Variants in SH3RF1 observed in about 807,000 individuals in gnomAD.
The protein encoded by SH3RF1 is E3 ubiquitin-protein ligase SH3RF1.
SH3RF1 carries 32 observed loss-of-function variants against 74.0 expected under a neutral mutation model. That is an observed-to-expected ratio of 0.43 (90% confidence interval 0.33 to 0.58). The LOEUF (loss-of-function observed/expected upper bound fraction) is 0.58, where lower values mean the gene tolerates loss of function less well. Ranked by LOEUF, SH3RF1 falls within the 20% of genes least tolerant of loss-of-function variation. The probability of loss-of-function intolerance (pLI) is 0.05; values close to 1 mark genes in which losing one functional copy is unlikely to be tolerated. For missense variants in SH3RF1, 954 were observed against 1,130.9 expected (o/e 0.84, Z 2.24); for synonymous variants, 396 against 439.6 (o/e 0.90, Z 1.24).
Position 169,116,600 on chromosome 4 carries a change from G to A in SH3RF1, c.1808C>T (p.Ala603Val). 6.4e-7 allele frequency: 1 copy of A among 1,560,402 alleles called. No homozygotes were observed. Among genetic ancestry groups the A allele is most frequent in the Non-Finnish European group, 8.7e-7 (1 of 1,150,070 alleles). ...CTGTACCTGGATGGGTGTCACTGCT[G>A]CCGTGGGGCGTTCCTGGTTGTGCGC... ...VAAHNQERPT[A>V]AVTPIQVQNA... The change falls in exon 10 of 12, where the codon GCA (alanine) becomes GTA (valine). Residue 603 changes from alanine (A) to valine (V), a missense_variant. Ala to Val is a moderately conservative substitution (Grantham distance 64, BLOSUM62 0). Coordinates refer to ENST00000284637, the MANE Select transcript of SH3RF1 (RefSeq NM_020870.4).
chr4:169,197,643 C>A (rs1361397397), intron 2 of SH3RF1, among the ~76,000 whole-genome samples: 1 of 112,760 alleles, frequency 8.9e-6, no homozygotes. Flanking sequence ...AAAAAAAGCC[C>A]ACCTTAGAAT....
intron 5 of SH3RF1, 47 bp downstream of exon 5, chr4:169,136,271 C>A: frequency 7.4e-7 from 1 of 1,347,394 alleles, no homozygotes; most frequent in Non-Finnish European, 9.6e-7. Context: ...TAAGTTGATC[C>A]TTTTGTGGGT....
chr4:169,154,076 T>C (rs1734014620), intron 4 of SH3RF1, among the ~76,000 whole-genome samples: 1 of 152,224 alleles, frequency 6.6e-6, no homozygotes, highest in Admixed American at 6.5e-5. Flanking sequence ...TGCTTACCCA[T>C]GCTCTTCAGT....
intron 2 of SH3RF1, among the ~76,000 whole-genome samples, chr4:169,215,092 T>C (rs1340795871): frequency 1.3e-5 from 2 of 152,164 alleles, no homozygotes; most frequent in African/African-American, 4.8e-5. Context: ...ATCTGTAGGA[T>C]TTGGGGTAAA....
At position 169,120,703 on chromosome 4, in the gene SH3RF1, C is replaced by T. The variant is rs1207523533; in HGVS notation, c.1517+116G>A. Reference sequence around the variant, plus strand: ...AGATGTAGACATGGATTTTTAAAACCTTGGCTATGTAACAGGCAATTATAA... The same window carrying T: ...AGATGTAGACATGGATTTTTAAAACTTTGGCTATGTAACAGGCAATTATAA... On this transcript the variant is annotated intron_variant, in intron 8 of 11. Coordinates refer to ENST00000284637, the MANE Select transcript of SH3RF1 (RefSeq NM_020870.4). The T allele has an allele frequency of 3.6e-6, 4 of 1,114,876 alleles. No individual in the cohort carries two copies. In the South Asian group the frequency reaches 5.5e-5, roughly 15 times the overall value. The allele number at this position is 1,114,876 out of a possible 1,614,324, so 69.1% of individuals were successfully genotyped here.
At chr4:169,254,665 GT>G (rs1731157146) in intron 2 of SH3RF1, among the ~76,000 whole-genome samples, 2 of 152,150 alleles carry the variant, frequency 1.3e-5, no homozygotes, top group Admixed American at 6.5e-5. Context: ...AACGTAGTGA[GT>G]TATTTTTAAA....
chr4:169,213,255 T>G (rs983017083), intron 2 of SH3RF1, among the ~76,000 whole-genome samples: 2 of 152,234 alleles, frequency 1.3e-5, no homozygotes, highest in African/African-American at 4.8e-5. Flanking sequence ...GTAGCTCACT[T>G]TAATCTGCAT....
intron 2 of SH3RF1, among the ~76,000 whole-genome samples, chr4:169,190,414 C>T (rs901025769): frequency 2.6e-5 from 4 of 151,920 alleles, no homozygotes; most frequent in African/African-American, 9.7e-5. Flanking sequence ...CACAGAAATA[C>T]AAAAGATCAT....
intron 4 of SH3RF1, among the ~76,000 whole-genome samples, chr4:169,137,474 C>A (rs988010931): frequency 1.3e-5 from 2 of 152,098 alleles, no homozygotes; most frequent in Admixed American, 1.3e-4. Context: ...ATATAACTTT[C>A]CCAGATATTA....
At position 169,095,568 on chromosome 4, in the gene SH3RF1, C is replaced by T. The variant is rs532555846; in HGVS notation, c.*951G>A. The T allele has an allele frequency of 1.3e-5, 2 of 152,624 alleles. 1 individual carries two copies. The highest frequency in any genetic ancestry group is 2.9e-5 in the Non-Finnish European group (2 of 68,034). The allele number at this position is 152,624 out of a possible 1,614,324, so 9.5% of individuals were successfully genotyped here. ...AACACGAGTGCATCACTTACCACCA[C>T]TATCTCACAAATGTTTTACTTGTGT... On this transcript the variant is annotated 3_prime_UTR_variant, in exon 12 of 12. Transcript: ENST00000284637.
intron 2 of SH3RF1, among the ~76,000 whole-genome samples, chr4:169,190,273 G>C (rs1734679000): frequency 6.6e-6 from 1 of 151,994 alleles, no homozygotes; most frequent in African/African-American, 2.4e-5. Flanking sequence ...AAAGATAAAT[G>C]AAACAAAAAG....
intron 2 of SH3RF1, among the ~76,000 whole-genome samples, chr4:169,266,632 TGGGGGAGGGGTAGCA>T (rs1251442057): frequency 2.0e-4 from 1 of 4,884 alleles, no homozygotes; most frequent in African/African-American, 8.2e-4. Context: ...GGGCAGGGGA[TGGGGGAGGGGTAGCA>T]GGGGGAGGGG....
chr4:169,163,103 A>G (rs1170922668), intron 2 of SH3RF1, among the ~76,000 whole-genome samples: 1 of 32,332 alleles, frequency 3.1e-5, no homozygotes, highest in South Asian at 1.2e-3. Context: ...AGAGGGAGAG[A>G]AAAAAAAAAA....
chr4:169,170,898 T>A (rs1734318010), intron 2 of SH3RF1, among the ~76,000 whole-genome samples: 1 of 152,194 alleles, frequency 6.6e-6, no homozygotes, highest in Non-Finnish European at 1.5e-5. Context: ...CTAATATTTA[T>A]CTAAAGTGAG....
intron 9 of SH3RF1, among the ~76,000 whole-genome samples, chr4:169,117,287 A>C (rs1243631516): frequency 6.6e-6 from 1 of 152,188 alleles, no homozygotes; most frequent in Non-Finnish European, 1.5e-5. Context: ...TACTATTGAC[A>C]TTCTTAGGAT....
intron 2 of SH3RF1, among the ~76,000 whole-genome samples, chr4:169,192,434 C>T (rs1168895400): frequency 6.6e-6 from 1 of 151,912 alleles, no homozygotes; most frequent in Non-Finnish European, 1.5e-5. Flanking sequence ...AACCATAATG[C>T]GATACCACCT....
chr4:169,258,111 C>T (rs1731220786), intron 2 of SH3RF1, among the ~76,000 whole-genome samples: 1 of 152,144 alleles, frequency 6.6e-6, no homozygotes. Context: ...ACTCAGATAT[C>T]AGAAAAGCCT....
At position 169,156,524 on chromosome 4, in the gene SH3RF1, G is replaced by A. The variant is rs538432607; in HGVS notation, c.549C>T (p.Phe183=). Residue 183 remains phenylalanine, a synonymous_variant, in exon 3 of 12, where the codon TTC becomes TTT. Transcript: ENST00000284637. ...TAATAATCTGCACAAAGTTGGTGGG[G>A]AAAAAGCCATGGATTCCATTGACTT... ...HGEVNGIHGF[F]PTNFVQIIKP... 2 of 1,614,034 alleles carry A rather than the reference G, an allele frequency of 1.2e-6. No individual in the cohort carries two copies. The highest frequency in any genetic ancestry group is 3.3e-5 in the Admixed American group (2 of 60,008).
chr4:169,099,117 C>T (rs186974186), intron 11 of SH3RF1, among the ~76,000 whole-genome samples: 10 of 152,304 alleles, frequency 6.6e-5, no homozygotes, highest in East Asian at 5.8e-4. Flanking sequence ...TATTTTGAGA[C>T]GGTCTTACTT....
Sources: gnomAD v4.1 joint callset for allele counts (sites outside exome capture counted in the v4.1 genomes callset) on GRCh38, gnomAD v4.1.1 for gene constraint, MANE v1.5 for transcripts, NCBI Gene and HGNC (gene_info 2026-07-23, HGNC 2026-07-21) for gene names.